The following GMDS variants were observed in gnomAD, a reference collection of about 807,000 sequenced individuals.
The protein encoded by GMDS is GDP-mannose 4,6 dehydratase.
In GMDS, 20 loss-of-function variants were observed where a neutral mutation model predicts 49.9. That is an observed-to-expected ratio of 0.40 (90% confidence interval 0.28 to 0.58). The LOEUF is 0.58. Ranked by LOEUF, GMDS falls within the 20% of genes least tolerant of loss-of-function variation. The pLI is 0.42. For synonymous variants in GMDS, 177 were observed against 178.6 expected (o/e 0.99, Z 0.07); for missense variants, 362 against 481.4 (o/e 0.75, Z 2.32).
chr6:1,799,001 C>G (rs1002772667), intron 7 of GMDS, among the ~76,000 whole-genome samples: 11 of 152,316 alleles, frequency 7.2e-5, no homozygotes. Flanking sequence ...CCATACTTCA[C>G]CAGCCAGCAA....
intron 7 of GMDS, among the ~76,000 whole-genome samples, chr6:1,923,875 A>G (rs913508768): frequency 6.6e-6 from 1 of 152,258 alleles, no homozygotes; most frequent in Non-Finnish European, 1.5e-5. Flanking sequence ...AGGACTGGGC[A>G]GCAGTGGGCA....
chr6:1,907,608 C>T (rs1009756240), intron 7 of GMDS, among the ~76,000 whole-genome samples: 4 of 152,108 alleles, frequency 2.6e-5, no homozygotes, highest in African/African-American at 9.7e-5. Flanking sequence ...ATTTCTTTTC[C>T]CAGGCAAATA....
chr6:1,858,401 A>G (rs1469670558), intron 7 of GMDS, among the ~76,000 whole-genome samples: 1 of 152,196 alleles, frequency 6.6e-6, no homozygotes, highest in Admixed American at 6.5e-5. Flanking sequence ...GCTTTGTACC[A>G]GGGACCAAAC....
At chr6:2,243,465 A>T (rs934544682) in intron 1 of GMDS, among the ~76,000 whole-genome samples, 1 of 152,246 alleles carries the variant, frequency 6.6e-6, no homozygotes, top group African/African-American at 2.4e-5. Context: ...ATACTAAAAT[A>T]AAATCTCTAC....
chr6:1,723,389 C>A lies in GMDS; in HGVS notation c.987+3027G>T, dbSNP rs554087037. ...TGGCCCAGGCTGGAGTGCAGTGGCA[C>A]GACCTTGGCTCACTGAAAGCTCCGC... On this transcript the variant is annotated intron_variant, in intron 9 of 10. Coordinates refer to ENST00000380815, the MANE Select transcript of GMDS (RefSeq NM_001500.4). Among the ~76,000 whole-genome samples the A allele has an allele frequency of 5.5e-5, 8 of 145,532 alleles. No homozygotes were observed. The Admixed American group carries it at 5.6e-4, about 10-fold the overall frequency.
intron 4 of GMDS, among the ~76,000 whole-genome samples, chr6:2,074,492 G>A (rs1316465211): frequency 6.6e-6 from 1 of 151,950 alleles, no homozygotes; most frequent in African/African-American, 2.4e-5. Context: ...TTCCTTTGCT[G>A]TGCAGATGCT....
chr6:1,999,903 A>AAT (rs1283496163), intron 4 of GMDS, among the ~76,000 whole-genome samples: 1 of 100,450 alleles, frequency 1.0e-5, no homozygotes, highest in Non-Finnish European at 1.9e-5. Context: ...CGATATATAT[A>AAT]ATATATATAT....
intron 9 of GMDS, among the ~76,000 whole-genome samples, chr6:1,668,476 A>G (rs1293655655): frequency 6.6e-6 from 1 of 152,170 alleles, no homozygotes; most frequent in African/African-American, 2.4e-5. Context: ...TCAGGAGACC[A>G]AGGCAGGCGG....
rs145229094 is a variant in GMDS, at chr6:1,761,800, A to G, written c.772-19214T>C. Among the ~76,000 whole-genome samples, 47 of 152,294 alleles carry G rather than the reference A, an allele frequency of 3.1e-4. No individual in the cohort carries two copies. The East Asian group carries it at 6.6e-3, about 21-fold the overall frequency. On this transcript the variant is annotated intron_variant, in intron 7 of 10. Transcript: ENST00000380815. ...GTTGGGAAATCTCGCTCACAATGAA[A>G]AGCAAGAGTCCTTAACATATTCTGC...
intron 6 of GMDS, among the ~76,000 whole-genome samples, chr6:1,953,085 G>A (rs1337867105): frequency 3.3e-5 from 5 of 152,130 alleles, no homozygotes; most frequent in Middle Eastern, 3.2e-3. Context: ...ATCGAAAGAC[G>A]GAAATCTTCA....
At chr6:1,779,549 C>A (rs767363228) in intron 7 of GMDS, among the ~76,000 whole-genome samples, 1 of 152,122 alleles carries the variant, frequency 6.6e-6, no homozygotes, top group African/African-American at 2.4e-5. Flanking sequence ...ATGCGTGTGA[C>A]CCCTGCAGAG....
chr6:1,813,701 C>T (rs974753171), intron 7 of GMDS, among the ~76,000 whole-genome samples: 3 of 152,242 alleles, frequency 2.0e-5, no homozygotes, highest in East Asian at 3.9e-4. Flanking sequence ...AGGGTAGGAG[C>T]GATCCACTGA....
At chr6:2,081,206 GA>G (rs927458252) in intron 4 of GMDS, among the ~76,000 whole-genome samples, 2 of 149,218 alleles carry the variant, frequency 1.3e-5, no homozygotes, top group Non-Finnish European at 1.5e-5. Flanking sequence ...TTCTGTGGTG[GA>G]AAAAAAAACA....
chr6:1,895,523 C>T (rs1760118774), intron 7 of GMDS, among the ~76,000 whole-genome samples: 1 of 152,144 alleles, frequency 6.6e-6, no homozygotes, highest in African/African-American at 2.4e-5. Context: ...GTGCATAGGC[C>T]ACACTCAAGT....
At chr6:1,851,876 C>T (rs1191449884) in intron 7 of GMDS, among the ~76,000 whole-genome samples, 1 of 152,150 alleles carries the variant, frequency 6.6e-6, no homozygotes, top group Admixed American at 6.5e-5. Context: ...CAGGCTCCAC[C>T]CACAGCAGAC....
At chr6:1,834,130 T>C (rs1395289844) in intron 7 of GMDS, among the ~76,000 whole-genome samples, 1 of 152,214 alleles carries the variant, frequency 6.6e-6, no homozygotes, top group East Asian at 1.9e-4. Flanking sequence ...GTTAAAATGC[T>C]TGGCATGCTT....
chr6:1,768,194 A>G (rs1345955408), intron 7 of GMDS, among the ~76,000 whole-genome samples: 2 of 152,220 alleles, frequency 1.3e-5, no homozygotes, highest in Non-Finnish European at 2.9e-5. Context: ...TAACCATATG[A>G]ATGTGTGTAA....
chr6:1,875,117 G>A (rs376339854), intron 7 of GMDS, among the ~76,000 whole-genome samples: 1 of 151,776 alleles, frequency 6.6e-6, no homozygotes, highest in Non-Finnish European at 1.5e-5. Context: ...CTATTCTTGG[G>A]TATATAAAAT....
Position 1,928,774 on chromosome 6 carries a change from G to A in GMDS, c.771+1329C>T, listed in dbSNP as rs528613670. Among the ~76,000 whole-genome samples the A allele has an allele frequency of 2.3e-4, 35 of 152,132 alleles. No individual in the cohort carries two copies. The South Asian group carries it at 4.0e-3, about 17-fold the overall frequency. ...ACCTGAGGTCAGGAGTTTGAGACCCGCCTGGTCAAAATGGTGAAACCCCAT... is the reference window on the plus strand; with the variant it reads ...ACCTGAGGTCAGGAGTTTGAGACCCACCTGGTCAAAATGGTGAAACCCCAT... On this transcript the variant is annotated intron_variant, in intron 7 of 10. Transcript: ENST00000380815.
Sources: allele counts gnomAD v4.1 joint callset (sites outside exome capture counted in the v4.1 genomes callset), GRCh38; gene constraint gnomAD v4.1.1; transcripts MANE v1.5; gene names NCBI Gene and HGNC (gene_info 2026-07-23, HGNC 2026-07-21).